CD163L1: variants seen among roughly 807,000 people sequenced by gnomAD.
CD163L1 encodes the protein CD163 molecule like 1, also known as scavenger receptor cysteine-rich type 1 protein M160.
A neutral mutation model predicts 165.4 loss-of-function variants in CD163L1; 124 were observed. The ratio of observed to expected loss-of-function variants is 0.75; its 90% CI spans 0.65 to 0.87. CD163L1 has a LOEUF of 0.87. CD163L1 is among the 40% of genes least tolerant of loss of function. The pLI is 0.00. For missense variants in CD163L1, 1,525 were observed against 1,799.9 expected, an observed-to-expected ratio of 0.85 and a Z score of 2.76; for synonymous variants, 585 against 662.2, an observed-to-expected ratio of 0.88 and a Z score of 1.79.
chr12:7,323,575 A>G, the CD163L1 span: 9 of 1,602,928 alleles, frequency 5.6e-6, no homozygotes, highest in African/African-American at 1.3e-5. Flanking sequence ...GAGGATAGAA[A>G]GTGCTGGTCA....
At chr12:7,355,168 T>G (rs1352500167) in intron 19 of CD163L1, 38 bp from the exon 20 acceptor site, 1 of 152,160 alleles carries the variant, frequency 6.6e-6, no homozygotes, top group Non-Finnish European at 1.5e-5. Context: ...GTTACTATTC[T>G]TCTAAATAAG....
chr12:7,327,004 C>T, the CD163L1 span: 3 of 1,612,120 alleles, frequency 1.9e-6, no homozygotes, highest in East Asian at 2.2e-5. Flanking sequence ...GTCTTAGCTG[C>T]ACCCTTTAAG....
Position 7,403,766 on chromosome 12 carries a change from T to C in CD163L1, c.1177A>G (p.Ile393Val), listed in dbSNP as rs1947959277. 3 of 1,613,812 alleles carry C rather than the reference T, an allele frequency of 1.9e-6. No homozygotes were observed. Among genetic ancestry groups the C allele is most frequent in the Non-Finnish European group, 1.7e-6 (2 of 1,179,970 alleles). ...EVRIHEQWWTICDQNWKNEQA... is the reference protein window; with the variant it reads ...EVRIHEQWWTVCDQNWKNEQA... ...TCATTCTTCCAGTTCTGGTCACATA[T>C]TGTCCACCACTGTTCATGAATTCTC... The change falls in exon 6 of 20, where the codon ATA becomes GTA. Residue 393 changes from isoleucine to valine, a missense_variant. By Grantham distance (29) the Ile-to-Val change is conservative. Transcript: ENST00000313599.
At chr12:7,440,370 C>T (rs1233461396) in intron 2 of CD163L1, among the ~76,000 whole-genome samples, 4 of 151,648 alleles carry the variant, frequency 2.6e-5, no homozygotes, top group African/African-American at 7.2e-5. Context: ...CACCGCCGCA[C>T]GGGAAGCGGA....
At chr12:7,320,617 C>A in the CD163L1 span, 1 of 861,646 alleles carries the variant, frequency 1.2e-6, no homozygotes, top group Non-Finnish European at 1.9e-6. Context: ...GTAGTGACCA[C>A]GGGATGGGCA....
chr12:7,410,720 C>G (rs1040279397), intron 4 of CD163L1, among the ~76,000 whole-genome samples: 5 of 151,464 alleles, frequency 3.3e-5, no homozygotes, highest in Admixed American at 6.6e-5. Context: ...GTCCCAGCTA[C>G]TCGGGAGGCT....
At chr12:7,442,278 A>G (rs987507929) in intron 1 of CD163L1, among the ~76,000 whole-genome samples, 2 of 152,204 alleles carry the variant, frequency 1.3e-5, no homozygotes, top group Non-Finnish European at 2.9e-5. Context: ...GTGTAATCCC[A>G]GACAACAAAA....
rs1454506538 is a variant in CD163L1, at chr12:7,444,100, T to C, written c.28A>G (p.Ile10Val). The change falls in exon 1 of 20, where the codon ATT (isoleucine) becomes GTT (valine). Residue 10 changes from isoleucine (I) to valine (V), a missense_variant. Ile to Val is a conservative substitution (Grantham distance 29). Coordinates refer to ENST00000313599, the MANE Select transcript of CD163L1 (RefSeq NM_174941.6). ...CAAAATAAAAGCAAAACCTTACCAATATGCCACGAGTTTTGAGGCAGCATC... is the reference window on the plus strand; with the variant it reads ...CAAAATAAAAGCAAAACCTTACCAACATGCCACGAGTTTTGAGGCAGCATC... MMLPQNSWH[I>V]DFGRCCCHQN... 1 of 1,613,816 alleles carries C rather than the reference T, an allele frequency of 6.2e-7. No individual in the cohort carries two copies.
intron 4 of CD163L1, among the ~76,000 whole-genome samples, chr12:7,421,052 T>TATATATAC (rs1226119027): frequency 2.6e-4 from 24 of 92,876 alleles, no homozygotes; most frequent in African/African-American, 1.5e-3. Flanking sequence ...TATATATGTA[T>TATATATAC]ATACGTATAT....
intron 4 of CD163L1, among the ~76,000 whole-genome samples, chr12:7,427,113 T>A (rs1374899532): frequency 1.3e-5 from 2 of 152,126 alleles, no homozygotes; most frequent in Admixed American, 6.6e-5. Context: ...GGGATTTTAA[T>A]ACTCCACTTT....
chr12:7,380,646 T>C (rs1947385997), intron 8 of CD163L1, among the ~76,000 whole-genome samples: 1 of 151,946 alleles, frequency 6.6e-6, no homozygotes, highest in Non-Finnish European at 1.5e-5. Context: ...TACGAGGGGT[T>C]TGAGGAAGAA....
the CD163L1 span, among the ~76,000 whole-genome samples, chr12:7,325,982 C>A: frequency 6.6e-6 from 1 of 152,148 alleles, no homozygotes; most frequent in African/African-American, 2.4e-5. Context: ...TTTCTTCCTG[C>A]CACCATGTTC....
chr12:7,441,569 C>T (rs981062929), intron 1 of CD163L1, among the ~76,000 whole-genome samples: 7 of 152,158 alleles, frequency 4.6e-5, no homozygotes, highest in African/African-American at 1.7e-4. Flanking sequence ...GTAATTTTTA[C>T]TTCTCAACTC....
intron 8 of CD163L1, among the ~76,000 whole-genome samples, chr12:7,393,642 G>T (rs956197498): frequency 6.6e-6 from 1 of 152,196 alleles, no homozygotes; most frequent in Non-Finnish European, 1.5e-5. Flanking sequence ...GTCCCTGTTT[G>T]CAGATGACAT....
At chr12:7,334,930 A>G in the CD163L1 span, among the ~76,000 whole-genome samples, 1 of 152,244 alleles carries the variant, frequency 6.6e-6, no homozygotes, top group Non-Finnish European at 1.5e-5. Flanking sequence ...AATCCAATTT[A>G]CAAGGGATGT....
At chr12:7,362,555 T>C (rs1270832526) in intron 18 of CD163L1, among the ~76,000 whole-genome samples, 1 of 143,470 alleles carries the variant, frequency 7.0e-6, no homozygotes, top group African/African-American at 2.5e-5. Context: ...TATATTATAT[T>C]AATATCATGT....
intron 18 of CD163L1, among the ~76,000 whole-genome samples, chr12:7,362,142 C>T (rs1029143091): frequency 6.9e-6 from 1 of 145,402 alleles, no homozygotes. Flanking sequence ...ATTATATATA[C>T]TATATATTAT....
chr12:7,363,685 T>C (rs907709754), intron 18 of CD163L1, among the ~76,000 whole-genome samples: 1 of 151,480 alleles, frequency 6.6e-6, no homozygotes. Context: ...AAGAAACTGA[T>C]ATATTTCTAG....
chr12:7,441,058 T>G, intron 2 of CD163L1, 96 bp downstream of exon 2: 2 of 820,154 alleles, frequency 2.4e-6, no homozygotes, highest in Non-Finnish European at 4.1e-6. Context: ...TTTTTACATG[T>G]TCTATTTCCC....
Sources: allele counts gnomAD v4.1 joint callset (sites outside exome capture counted in the v4.1 genomes callset), GRCh38; gene constraint gnomAD v4.1.1; transcripts MANE v1.5; gene names NCBI Gene and HGNC (gene_info 2026-07-23, HGNC 2026-07-21).